The following CFAP54 variants were observed in gnomAD, a reference collection of about 807,000 sequenced individuals.
CFAP54 encodes cilia- and flagella-associated protein 54.
Under a neutral mutation model 370.4 loss-of-function variants are expected in CFAP54, and 290 were observed. That is an observed-to-expected ratio of 0.78 (90% CI 0.71 to 0.86). The LOEUF is 0.86. CFAP54 is among the 40% of genes least tolerant of loss of function. The pLI is 0.00. For missense variants in CFAP54, 3,399 were observed against 3,528.7 expected (o/e 0.96, Z 0.93); for synonymous variants, 1,206 against 1,236.5 (o/e 0.98, Z 0.52).
chr12:96,725,601 T>G (rs1287996622), intron 50 of CFAP54, among the ~76,000 whole-genome samples: 1 of 152,218 alleles, frequency 6.6e-6, no homozygotes, highest in African/African-American at 2.4e-5. Flanking sequence ...TTTCTAGATA[T>G]ACAATCATGT....
intron 45 of CFAP54, among the ~76,000 whole-genome samples, chr12:96,695,596 T>C (rs1592712752): frequency 6.6e-6 from 1 of 152,238 alleles, no homozygotes; most frequent in East Asian, 1.9e-4. Flanking sequence ...TAATGTTCTC[T>C]TCAATATTGC....
chr12:96,541,541 C>T (rs1955572537), intron 14 of CFAP54, among the ~76,000 whole-genome samples: 1 of 152,168 alleles, frequency 6.6e-6, no homozygotes. Context: ...CTGCCCTGGC[C>T]TCCCAAAGGG....
chr12:96,669,008 G>T (rs1036526405), intron 39 of CFAP54, among the ~76,000 whole-genome samples: 1 of 152,146 alleles, frequency 6.6e-6, no homozygotes, highest in Non-Finnish European at 1.5e-5. Context: ...TGTTGCCCAG[G>T]AGTTTAGGGT....
chr12:96,591,323 G>T (rs1956121894), intron 23 of CFAP54, among the ~76,000 whole-genome samples: 1 of 152,016 alleles, frequency 6.6e-6, no homozygotes. Context: ...TGATAGGCCG[G>T]AAATCATTTT....
intron 26 of CFAP54, among the ~76,000 whole-genome samples, chr12:96,605,487 C>G (rs532038801): frequency 6.6e-6 from 1 of 152,288 alleles, no homozygotes; most frequent in East Asian, 1.9e-4. Flanking sequence ...TCAAAAAGGA[C>G]AAACTGGAGA....
chr12:96,504,614 A>G (rs551664587), intron 3 of CFAP54, among the ~76,000 whole-genome samples: 11 of 152,316 alleles, frequency 7.2e-5, no homozygotes, highest in African/African-American at 2.6e-4. Context: ...ATGGAAGTTT[A>G]TTAGCCCACT....
At chr12:96,739,794 A>T (rs1317805082) in intron 50 of CFAP54, among the ~76,000 whole-genome samples, 162 bp from the exon 51 acceptor site, 1 of 152,218 alleles carries the variant, frequency 6.6e-6, no homozygotes, top group Non-Finnish European at 1.5e-5. Context: ...GTGTGTGGTT[A>T]AGACCAGGGT....
intron 66 of CFAP54, among the ~76,000 whole-genome samples, chr12:96,841,362 GTTTCC>G (rs966688901): frequency 3.9e-5 from 6 of 152,166 alleles, no homozygotes; most frequent in Admixed American, 3.9e-4. Flanking sequence ...TCAATGTTTA[GTTTCC>G]TTTCCTTCAT....
At chr12:96,821,497 A>G (rs1959033837) in intron 65 of CFAP54, among the ~76,000 whole-genome samples, 1 of 152,124 alleles carries the variant, frequency 6.6e-6, no homozygotes, top group African/African-American at 2.4e-5. Flanking sequence ...CAACCTAGAA[A>G]GTGTTTCTTC....
chr12:96,850,244 C>T (rs1382415711), intron 66 of CFAP54, among the ~76,000 whole-genome samples: 3 of 147,240 alleles, frequency 2.0e-5, no homozygotes, highest in Middle Eastern at 3.3e-3. Context: ...AAAAAGTAGC[C>T]GGGCATGAGG....
At chr12:96,832,282 AAT>A (rs1555341996) in intron 66 of CFAP54, among the ~76,000 whole-genome samples, 111 of 129,780 alleles carry the variant, frequency 8.6e-4, no homozygotes, top group East Asian at 2.7e-3. Context: ...AAAAAAAAAA[AAT>A]ATATATATAT....
At chr12:96,784,968 TAA>T in intron 61 of CFAP54, 78 bp downstream of exon 61, 9 of 1,170,074 alleles carry the variant, frequency 7.7e-6, no homozygotes, top group Non-Finnish European at 1.0e-5. Flanking sequence ...TTGAGAATTA[TAA>T]GATACTTTTG....
rs1457341708 is a variant in CFAP54 at position 96,621,472 on chromosome 12, AG to A, written c.3640-113del. 3 of 633,132 alleles carry A rather than the reference AG, an allele frequency of 4.7e-6. No individual in the cohort carries two copies. The East Asian group carries it at 1.0e-4, about 21-fold the overall frequency. 39.2% of individuals were successfully genotyped at this position (633,132 alleles called of 1,614,324 possible). A position where few individuals can be genotyped will look rare whatever the true frequency, so the allele number is the denominator to read the frequency against. Reference sequence around the variant, plus strand: ...AACTTACGGTTTTTTTTAAAATAAAAGGGGGATTCTTAGACTGAAAACTCTA... The same window carrying A: ...AACTTACGGTTTTTTTTAAAATAAAAGGGGATTCTTAGACTGAAAACTCTA... On this transcript the variant is annotated intron_variant, in intron 26 of 67. Transcript: ENST00000524981.
chr12:96,784,994 T>C, intron 61 of CFAP54, 104 bp downstream of exon 61: 1 of 940,530 alleles, frequency 1.1e-6, no homozygotes, highest in Non-Finnish European at 1.5e-6. Context: ...TCTTTCTGAG[T>C]GACTGTCATC....
At chr12:96,556,254 A>G (rs529517069) in intron 17 of CFAP54, among the ~76,000 whole-genome samples, 124 of 152,146 alleles carry the variant, frequency 8.2e-4, no homozygotes, top group Non-Finnish European at 5.3e-4. Flanking sequence ...AAATGAATAC[A>G]TTAATACATT....
At position 96,648,222 on chromosome 12, in the gene CFAP54, A is replaced by G. The variant is rs564944249; in HGVS notation, c.4690+205A>G. Reference sequence around the variant, plus strand: ...TTCTATATTCTTATGATATTATTGCATATATTTGGAAATATCTATTTTGTA... The same window carrying G: ...TTCTATATTCTTATGATATTATTGCGTATATTTGGAAATATCTATTTTGTA... On this transcript the variant is annotated intron_variant, in intron 34 of 67. Transcript: ENST00000524981. Among the ~76,000 whole-genome samples, 3 of 152,306 alleles carry G rather than the reference A, an allele frequency of 2.0e-5. No individual in the cohort carries two copies. The South Asian group carries it at 6.2e-4, about 32-fold the overall frequency.
At chr12:96,502,530 A>T (rs979009007) in intron 2 of CFAP54, among the ~76,000 whole-genome samples, 3 of 151,904 alleles carry the variant, frequency 2.0e-5, no homozygotes, top group Non-Finnish European at 2.9e-5. Context: ...CCTAGATTTG[A>T]ATTTATTATA....
chr12:96,637,711 T>C (rs1956676370), intron 32 of CFAP54, among the ~76,000 whole-genome samples: 1 of 152,186 alleles, frequency 6.6e-6, no homozygotes, highest in Admixed American at 6.5e-5. Flanking sequence ...ACCAAAAAGA[T>C]TCTATACATT....
intron 48 of CFAP54, among the ~76,000 whole-genome samples, chr12:96,713,115 T>G (rs1227716032): frequency 6.6e-6 from 1 of 152,140 alleles, no homozygotes; most frequent in Admixed American, 6.6e-5. Context: ...CAACAACTAT[T>G]GAAAACAGTA....
Sources: gnomAD v4.1 joint callset for allele counts (sites outside exome capture counted in the v4.1 genomes callset) on GRCh38, gnomAD v4.1.1 for gene constraint, MANE v1.5 for transcripts, NCBI Gene and HGNC (gene_info 2026-07-23, HGNC 2026-07-21) for gene names.